The following RPL31 variants were observed in gnomAD, a reference collection of about 807,000 sequenced individuals.
RPL31 encodes the protein large ribosomal subunit protein eL31.
For missense variants in RPL31, 95 were observed against 164.0 expected, an observed-to-expected ratio of 0.58 and a Z score of 2.30; for synonymous variants, 51 against 55.0, an observed-to-expected ratio of 0.93 and a Z score of 0.32.
At chr2:101,018,095 CCAAT>C in intron 4 of RPL31, 1 of 622,518 alleles carries the variant, frequency 1.6e-6, no homozygotes, top group Non-Finnish European at 2.7e-6. Context: ...GATTTTGAAT[CCAAT>C]CAACACTTTT....
At chr2:101,007,757 A>AAGAAACAGTCTGGTTCGTGCTTTGGT, downstream of RPL31, 13 of 1,529,072 alleles carry the variant, frequency 8.5e-6, no homozygotes, top group Non-Finnish European at 1.2e-5. Context: ...GGCTGACCCC[A>AAGAAACAGTCTGGTTCGTGCTTTGGT]AGAAACAGTC....
At chr2:101,018,011 CAT>C in intron 4 of RPL31, 2 of 1,373,484 alleles carry the variant, frequency 1.5e-6, no homozygotes, top group Non-Finnish European at 2.0e-6. Flanking sequence ...CTACTTCAAG[CAT>C]GTGCTCATTC....
intron 4 of RPL31, among the ~76,000 whole-genome samples, chr2:101,013,921 C>G (rs1679423601): frequency 6.6e-6 from 1 of 152,230 alleles, no homozygotes; most frequent in African/African-American, 2.4e-5. Flanking sequence ...TGGTTGGAAA[C>G]AGCAATCAAA....
In RPL31 at chr2:101,007,125, C is replaced by G. The variant is rs1409924400; in HGVS notation, c.*744C>G. ...AAGTACCTAGTAGTGTTGCACCACC[C>G]AAAAACCATGGATGGGCAGCAGCAA... On this transcript the variant is annotated 3_prime_UTR_variant, in exon 5 of 5. Coordinates refer to ENST00000264258, the MANE Select transcript of RPL31 (RefSeq NM_000993.5). The G allele has an allele frequency of 6.6e-6, 1 of 152,332 alleles. No individual in the cohort carries two copies. The highest frequency in any genetic ancestry group is 1.9e-4 in the East Asian group (1 of 5,202). The allele number at this position is 152,332 out of a possible 1,614,324, so 9.4% of individuals were successfully genotyped here.
intron 4 of RPL31, among the ~76,000 whole-genome samples, chr2:101,014,168 G>T (rs1015402274): frequency 1.3e-5 from 2 of 151,774 alleles, no homozygotes; most frequent in Non-Finnish European, 2.9e-5. Context: ...GTTGAAAAGG[G>T]TCTGAGGCAG....
At chr2:101,007,845 A>AGAT, downstream of RPL31, 1 of 1,613,562 alleles carries the variant, frequency 6.2e-7, no homozygotes, top group Non-Finnish European at 8.5e-7. Context: ...GCTTAAGTTC[A>AGAT]GATTGTGATT....
intron 4 of RPL31, among the ~76,000 whole-genome samples, chr2:101,013,454 A>G (rs1679382957): frequency 1.3e-5 from 2 of 152,236 alleles, no homozygotes; most frequent in Non-Finnish European, 2.9e-5. Context: ...AAATGGATTG[A>G]CAGACAATTT....
intron 4 of RPL31, among the ~76,000 whole-genome samples, chr2:101,017,597 C>T (rs1177471229): frequency 6.6e-6 from 1 of 152,148 alleles, no homozygotes; most frequent in Non-Finnish European, 1.5e-5. Context: ...TTTATCAGTA[C>T]CTACCATCTA....
At chr2:101,003,187 G>A (rs1038047976) in intron 2 of RPL31, among the ~76,000 whole-genome samples, 4 of 152,176 alleles carry the variant, frequency 2.6e-5, no homozygotes, top group African/African-American at 9.7e-5. Context: ...TACCGGGCAT[G>A]CTTTTGTTTC....
chr2:101,016,812 A>G (rs1679676986), intron 4 of RPL31, among the ~76,000 whole-genome samples: 1 of 152,026 alleles, frequency 6.6e-6, no homozygotes, highest in Non-Finnish European at 1.5e-5. Context: ...TTCTCAGTAA[A>G]CTATCACAAG....
chr2:101,018,855 T>C, intron 4 of RPL31: 1 of 1,014,038 alleles, frequency 9.9e-7, no homozygotes, highest in Middle Eastern at 2.1e-4. Flanking sequence ...GTCCAATTAG[T>C]ATAATTAACT....
In RPL31 at chr2:101,017,864, C is replaced by CA. The variant is rs1162825599; in HGVS notation, c.347-1130dup. The CA allele has an allele frequency of 7.7e-6, 12 of 1,550,680 alleles. No individual in the cohort carries two copies. The South Asian group carries it at 1.4e-4, about 18-fold the overall frequency. ...TACATGCAATTCCCAATTAGGTCTT[C>CA]AAAACGATGATCTCTTCAAAACAGA... On this transcript the variant is annotated intron_variant, in intron 4 of 4. Coordinates refer to the RPL31 transcript ENST00000409028.
downstream of RPL31, chr2:101,008,220 T>G: frequency 6.2e-7 from 1 of 1,600,362 alleles, no homozygotes; most frequent in Non-Finnish European, 8.5e-7. Context: ...CATTTTCTTC[T>G]GGATCTTCAT....
chr2:101,008,053 C>T (rs780754738), downstream of RPL31: 1 of 1,613,938 alleles, frequency 6.2e-7, no homozygotes, highest in South Asian at 1.1e-5. Flanking sequence ...GGGCGTCTTC[C>T]CAGTGTCTGC....
At chr2:101,007,882 T>G, downstream of RPL31, 2 of 1,614,016 alleles carry the variant, frequency 1.2e-6, no homozygotes, top group South Asian at 1.1e-5. Context: ...AGTTTTGAGA[T>G]TGTACTGATT....
chr2:101,017,853 A>C, intron 4 of RPL31: 1 of 1,550,866 alleles, frequency 6.4e-7, no homozygotes, highest in Non-Finnish European at 8.7e-7. Flanking sequence ...TGCAATTCCC[A>C]ATTAGGTCTT....
chr2:101,005,673 C>G (rs781301941), intron 3 of RPL31: 12 of 367,890 alleles, frequency 3.3e-5, no homozygotes, highest in Middle Eastern at 1.4e-3. Context: ...AAAAGACTAA[C>G]ACATTTGGAC....
intron 4 of RPL31, among the ~76,000 whole-genome samples, chr2:101,012,600 T>C (rs1347279914): frequency 6.7e-6 from 1 of 150,302 alleles, no homozygotes; most frequent in Non-Finnish European, 1.5e-5. Context: ...TTGATTGTGG[T>C]GATCGCTGCA....
chr2:101,004,691 T>G, intron 3 of RPL31: 1 of 206,434 alleles, frequency 4.8e-6, no homozygotes, highest in Non-Finnish European at 9.6e-6. Flanking sequence ...TTACCTGTCC[T>G]TCCCGGGGTT....
Sources: gnomAD v4.1 joint callset for allele counts (sites outside exome capture counted in the v4.1 genomes callset) on GRCh38, gnomAD v4.1.1 for gene constraint, MANE v1.5 for transcripts, NCBI Gene and HGNC (gene_info 2026-07-23, HGNC 2026-07-21) for gene names.